The following ZFPM1 variants were observed in gnomAD, a reference collection of about 807,000 sequenced individuals.
The protein encoded by ZFPM1 is zinc finger protein, FOG family member 1.
In ZFPM1, 28 loss-of-function variants were observed where a neutral mutation model predicts 46.3. The observed-to-expected ratio is 0.60, with a 90% CI of 0.45 to 0.83. The LOEUF (loss-of-function observed/expected upper bound fraction) is 0.83. ZFPM1 is among the 40% of genes least tolerant of loss of function. The pLI, the probability that ZFPM1 is intolerant of heterozygous loss-of-function variation, is 0.00. For synonymous variants in ZFPM1, 957 were observed against 675.9 expected, an observed-to-expected ratio of 1.42 and a Z score of -6.45; for missense variants, 1,878 against 1,432.4, an observed-to-expected ratio of 1.31 and a Z score of -5.02.
At chr16:88,476,979 GAGA>G (rs1908716559) in intron 1 of ZFPM1, among the ~76,000 whole-genome samples, 1 of 152,282 alleles carries the variant, frequency 6.6e-6, no homozygotes, top group South Asian at 2.1e-4. Flanking sequence ...TAGCGATGGA[GAGA>G]AGATTTGGAC....
chr16:88,492,137 C>T (rs762221214), intron 3 of ZFPM1, among the ~76,000 whole-genome samples: 2 of 152,062 alleles, frequency 1.3e-5, no homozygotes, highest in African/African-American at 2.4e-5. Context: ...TCCTCTCTCC[C>T]TCTCTCTTTG....
rs1913165521 is a variant in ZFPM1 at position 88,534,870 on chromosome 16, G to A, written c.2912G>A (p.Gly971Asp). The A allele has an allele frequency of 6.4e-7, 1 of 1,567,102 alleles. No homozygotes were observed. Among genetic ancestry groups the A allele is most frequent in the Non-Finnish European group, 8.6e-7 (1 of 1,162,324 alleles). The change falls in exon 10 of 10, where the codon GGC becomes GAC. Residue 971 changes from glycine to aspartate, a missense_variant. By Grantham distance (94) the Gly-to-Asp change is moderately conservative. Coordinates refer to ENST00000319555, the MANE Select transcript of ZFPM1 (RefSeq NM_153813.3). Reference sequence around the variant, plus strand: ...GGCACGCCGGCGCCGCTGCCCAACGGCAACCACCGGTACTGCCGTCTTTGC... The same window carrying A: ...GGCACGCCGGCGCCGCTGCCCAACGACAACCACCGGTACTGCCGTCTTTGC... ...SKGTPAPLPN[G>D]NHRYCRLCNI... is the part of the protein sequence containing the mutation.
intron 3 of ZFPM1, among the ~76,000 whole-genome samples, chr16:88,505,769 G>C (rs913600378): frequency 4.0e-5 from 6 of 150,994 alleles, no homozygotes; most frequent in African/African-American, 1.5e-4. Context: ...TCTTGGCAAG[G>C]AGACCACCGT....
At chr16:88,459,891 TC>T (rs1907739553) in intron 1 of ZFPM1, among the ~76,000 whole-genome samples, 1 of 148,856 alleles carries the variant, frequency 6.7e-6, no homozygotes, top group Non-Finnish European at 1.5e-5. Context: ...CCAAGCTGTC[TC>T]CCAGGACAGC....
chr16:88,533,078 T>TC (rs1458063685), intron 9 of ZFPM1, 70 bp from the exon 10 acceptor site: 1 of 712,396 alleles, frequency 1.4e-6, no homozygotes, highest in Non-Finnish European at 2.0e-6. Flanking sequence ...CTTCCGGAGC[T>TC]CGCCCTCCAG....
At position 88,535,187 on chromosome 16, in the gene ZFPM1, T is replaced by C; in HGVS notation, c.*208T>C. ...GAGCATGGTGGTGGGCCAGCCTAGT[T>C]CTCTGAGCCAGCAGGCACACGCAGC... On this transcript the variant is annotated 3_prime_UTR_variant, in exon 10 of 10. Transcript: ENST00000319555. 2.0e-6 allele frequency: 1 copy of C among 505,794 alleles called. No individual in the cohort carries two copies. The highest frequency in any genetic ancestry group is 6.8e-5 in the South Asian group (1 of 14,700). 31.3% of individuals were successfully genotyped at this position (505,794 alleles called of 1,614,324 possible).
Position 88,488,863 on chromosome 16 carries a change from T to A in ZFPM1, c.146-168T>A, listed in dbSNP as rs146792462. 5.1e-4 allele frequency among the ~76,000 whole-genome samples: 78 copies of A among 152,304 alleles called. 2 individuals carry two copies. Among genetic ancestry groups the A allele is most frequent in the Admixed American group, 1.0e-3 (16 of 15,308 alleles). On this transcript the variant is annotated intron_variant, in intron 2 of 9. Transcript: ENST00000319555. ...GGTTTTAAAAGAGCAAGAGGAAAAC[T>A]TGGATGTCTGTCCCACCCCAGTGAG...
chr16:88,528,422 G>T (rs1912519667), intron 6 of ZFPM1, among the ~76,000 whole-genome samples, 184 bp downstream of exon 6: 1 of 152,136 alleles, frequency 6.6e-6, no homozygotes, highest in Admixed American at 6.5e-5. Flanking sequence ...GGACAGGAGG[G>T]TCCCCAGAGC....
In ZFPM1 at chr16:88,534,383, C is replaced by G. The variant is rs1913105350; in HGVS notation, c.2425C>G (p.Pro809Ala). ...KKPRRPLPGA[P>A]APALADYHEC... ...GCCGCGGCGCCCGCTCCCCGGAGCCCCGGCACCGGCGCTGGCCGACTACCA... is the reference window on the plus strand; with the variant it reads ...GCCGCGGCGCCCGCTCCCCGGAGCCGCGGCACCGGCGCTGGCCGACTACCA... The change falls in exon 10 of 10, where the codon CCG becomes GCG. Residue 809 changes from proline (P) to alanine (A), a missense_variant. Transcript: ENST00000319555. 2.7e-6 allele frequency: 4 copies of G among 1,459,870 alleles called. No individual in the cohort carries two copies. Among genetic ancestry groups the G allele is most frequent in the South Asian group, 2.6e-5 (2 of 78,094 alleles). The allele number at this position is 1,459,870 out of a possible 1,614,324, so 90.4% of individuals were successfully genotyped here.
intron 1 of ZFPM1, among the ~76,000 whole-genome samples, chr16:88,484,064 C>T (rs536896601): frequency 6.6e-5 from 10 of 152,226 alleles, no homozygotes; most frequent in Non-Finnish European, 1.2e-4. Flanking sequence ...CCACCTCCGA[C>T]CAGCCCATCT....
intron 1 of ZFPM1, among the ~76,000 whole-genome samples, chr16:88,478,337 C>T (rs1053574871): frequency 6.6e-6 from 1 of 152,208 alleles, no homozygotes; most frequent in African/African-American, 2.4e-5. Flanking sequence ...GTGCTGATCC[C>T]GAACTGAGGA....
At chr16:88,460,915 C>G (rs567174892) in intron 1 of ZFPM1, among the ~76,000 whole-genome samples, 104 of 89,478 alleles carry the variant, frequency 1.2e-3, no homozygotes, top group African/African-American at 4.5e-3. Context: ...TGGTGAGGAC[C>G]GAGGGGCGGG....
chr16:88,482,831 G>A (rs1056725143), intron 1 of ZFPM1, among the ~76,000 whole-genome samples: 3 of 152,180 alleles, frequency 2.0e-5, no homozygotes, highest in Admixed American at 2.0e-4. Context: ...GGAGGAGCCG[G>A]GCTGAGCTGA....
intron 1 of ZFPM1, among the ~76,000 whole-genome samples, chr16:88,473,551 C>T (rs1240705989): frequency 2.0e-5 from 3 of 152,164 alleles, no homozygotes; most frequent in Non-Finnish European, 4.4e-5. Flanking sequence ...CTCCCATGGC[C>T]GGGCCCATCC....
At position 88,486,058 on chromosome 16, in the gene ZFPM1, G is replaced by A. The variant is rs929638534; in HGVS notation, c.145+15G>A. 2 of 1,607,282 alleles carry A rather than the reference G, an allele frequency of 1.2e-6. No homozygotes were observed. The highest frequency in any genetic ancestry group is 1.7e-5 in the Admixed American group (1 of 59,068). On this transcript the variant is annotated intron_variant, in intron 2 of 9. Coordinates refer to ENST00000319555, the MANE Select transcript of ZFPM1 (RefSeq NM_153813.3). ...TCCCAGCGCAGGTGAGTCAGACTGA[G>A]CCCTCTCACCGCGCCTCCAGCCGGG...
chr16:88,533,721 A>G lies in ZFPM1; in HGVS notation c.1763A>G (p.Asn588Ser). 1 of 1,501,754 alleles carries G rather than the reference A, an allele frequency of 6.7e-7. No homozygotes were observed. The highest frequency in any genetic ancestry group is 1.2e-5 in the South Asian group (1 of 85,176). 93.0% of individuals were successfully genotyped at this position (1,501,754 alleles called of 1,614,324 possible). The change falls in exon 10 of 10, where the codon AAC (asparagine) becomes AGC (serine). Residue 588 changes from asparagine to serine, a missense_variant. Physicochemically the swap from Asn to Ser is conservative, Grantham distance 46. Transcript: ENST00000319555. ...TTCGAGTGCGAGATCACCTTCAGCAACGTCAACAACTACTACGTGCACAAG... is the reference window on the plus strand; with the variant it reads ...TTCGAGTGCGAGATCACCTTCAGCAGCGTCAACAACTACTACGTGCACAAG... ...TCFECEITFS[N>S]VNNYYVHKRL...
chr16:88,529,087 C>G (rs1338256159), intron 6 of ZFPM1, among the ~76,000 whole-genome samples: 1 of 152,264 alleles, frequency 6.6e-6, no homozygotes, highest in Non-Finnish European at 1.5e-5. Context: ...CAAGGCCAGA[C>G]TGGGCAACAC....
chr16:88,523,386 C>T (rs867678830), intron 4 of ZFPM1, among the ~76,000 whole-genome samples: 5 of 152,298 alleles, frequency 3.3e-5, no homozygotes, highest in African/African-American at 9.6e-5. Flanking sequence ...CCAGCCCCTC[C>T]GCAAGGGAAG....
intron 7 of ZFPM1, 140 bp downstream of exon 7, chr16:88,532,375 C>T (rs1912857573): frequency 2.1e-6 from 2 of 971,244 alleles, no homozygotes; most frequent in Non-Finnish European, 1.5e-6. Context: ...ACCCAGGGCC[C>T]CCGCAGGGGC....
Sources: gnomAD v4.1 joint callset for allele counts (sites outside exome capture counted in the v4.1 genomes callset) on GRCh38, gnomAD v4.1.1 for gene constraint, MANE v1.5 for transcripts, NCBI Gene and HGNC (gene_info 2026-07-23, HGNC 2026-07-21) for gene names.